TEX22: variants seen among roughly 807,000 people sequenced by gnomAD.
The protein encoded by TEX22 is testis expressed 22, also known as testis-expressed protein 22.
A neutral mutation model predicts 11.3 loss-of-function variants in TEX22; 16 were observed. That is an observed-to-expected ratio of 1.42 (90% CI 0.96 to 2.15). The LOEUF is 2.15. Ranked by LOEUF, TEX22 falls within the 30% of genes most tolerant of loss-of-function variation. TEX22 has a pLI of 0.00. For missense variants in TEX22, 220 were observed against 208.6 expected, an observed-to-expected ratio of 1.05 and a Z score of -0.34; for synonymous variants, 97 against 92.3, an observed-to-expected ratio of 1.05 and a Z score of -0.29.
chr14:105,404,593 A>G (rs2081649526), intron 2 of TEX22, among the ~76,000 whole-genome samples: 1 of 152,188 alleles, frequency 6.6e-6, no homozygotes, highest in South Asian at 2.1e-4. Context: ...CCTCAGAAGC[A>G]ATTTGAGTGG....
rs1555419420 is a variant in TEX22 at position 105,411,725 on chromosome 14, C to A, written c.345C>A (p.His115Gln). The A allele has an allele frequency of 1.3e-6, 2 of 1,524,502 alleles. No individual in the cohort carries two copies. Among genetic ancestry groups the A allele is most frequent in the South Asian group, 2.4e-5 (2 of 83,812 alleles). The allele number at this position is 1,524,502 out of a possible 1,614,324, so 94.4% of individuals were successfully genotyped here. Reference sequence around the variant, plus strand: ...TGGACAAGGACGTGCTCCTTCCCCACCCGCTGAGGTCCACCGAGTCCACCA... The same window carrying A: ...TGGACAAGGACGTGCTCCTTCCCCAACCGCTGAGGTCCACCGAGTCCACCA... ...EDVDKDVLLPHPLRSTESTNA... is the reference protein window; with the variant it reads ...EDVDKDVLLPQPLRSTESTNA... Residue 115 changes from histidine (H) to glutamine (Q), a missense_variant, in exon 4 of 4, where the codon CAC becomes CAA. By Grantham distance (24) the His-to-Gln change is conservative. Coordinates refer to ENST00000451127, the MANE Select transcript of TEX22 (RefSeq NM_001195082.2).
intron 2 of TEX22, among the ~76,000 whole-genome samples, chr14:105,409,428 C>A (rs1007341644): frequency 2.0e-5 from 3 of 151,976 alleles, no homozygotes; most frequent in Non-Finnish European, 4.4e-5. Context: ...GATTTTAAGG[C>A]TTTGTCCATC....
Position 105,399,597 on chromosome 14 carries a change from G to A in TEX22, c.150+107G>A, listed in dbSNP as rs587625005. ...GGTCGTGATGAGCAGCCTCAGGGGA[G>A]GGCTGAGTGGGGACTGATGAGAAAC... On this transcript the variant is annotated intron_variant, in intron 2 of 3. Transcript: ENST00000451127. 4 of 1,239,638 alleles carry A rather than the reference G, an allele frequency of 3.2e-6. No homozygotes were observed. In the South Asian group the frequency reaches 6.2e-5, roughly 19 times the overall value. The allele number at this position is 1,239,638 out of a possible 1,614,324, so 76.8% of individuals were successfully genotyped here.
At chr14:105,400,342 A>G (rs928170454) in intron 2 of TEX22, among the ~76,000 whole-genome samples, 4 of 152,162 alleles carry the variant, frequency 2.6e-5, no homozygotes, top group Admixed American at 6.5e-5. Context: ...CAAAACCCCT[A>G]TGATGGTGTC....
At chr14:105,408,215 G>C (rs587654442) in intron 2 of TEX22, among the ~76,000 whole-genome samples, 2 of 151,920 alleles carry the variant, frequency 1.3e-5, no homozygotes, top group South Asian at 2.1e-4. Context: ...TTTTGCCGGT[G>C]CGCTGCCTCC....
At chr14:105,410,486 T>C (rs1005736497) in intron 2 of TEX22, among the ~76,000 whole-genome samples, 1 of 152,274 alleles carries the variant, frequency 6.6e-6, no homozygotes, top group African/African-American at 2.4e-5. Flanking sequence ...ATTTTCGCTA[T>C]TGTGAATAAT....
Position 105,399,294 on chromosome 14 carries a change from AC to A in TEX22, c.-39-3del. 3 of 1,443,204 alleles carry A rather than the reference AC, an allele frequency of 2.1e-6. No individual in the cohort carries two copies. The highest frequency in any genetic ancestry group is 2.8e-6 in the Non-Finnish European group (3 of 1,089,588). The allele number at this position is 1,443,204 out of a possible 1,614,324, so 89.4% of individuals were successfully genotyped here. On this transcript the variant is annotated splice_region_variant and splice_polypyrimidine_tract_variant and intron_variant, in intron 1 of 3. Coordinates refer to ENST00000451127, the MANE Select transcript of TEX22 (RefSeq NM_001195082.2). The stretch of plus-strand genomic sequence containing the variant: ...CCCCGCCCCACCTCCCCCTGCTCCT[AC>A]CCCCAGATCTCAGAGGTGTGGACAA...
intron 2 of TEX22, among the ~76,000 whole-genome samples, 176 bp downstream of exon 2, chr14:105,399,666 G>A (rs782719157): frequency 1.3e-4 from 20 of 152,172 alleles, no homozygotes; most frequent in Non-Finnish European, 2.1e-4. Context: ...GGCCCTGGAC[G>A]AGCACCAAGG....
In TEX22 at chr14:105,403,713, C is replaced by T. The variant is rs904327455; in HGVS notation, c.150+4223C>T. Among the ~76,000 whole-genome samples, 40 of 152,306 alleles carry T rather than the reference C, an allele frequency of 2.6e-4. 1 individual carries two copies. In the Middle Eastern group the frequency reaches 0.014, roughly 52 times the overall value. ...TTAGGATTATAGGCATGAGCCATTG[C>T]GCCCAGCCAGATTTAACGTTTTAAA... On this transcript the variant is annotated intron_variant, in intron 2 of 3. Transcript: ENST00000451127.
rs1397764483 is a variant in TEX22 at position 105,413,193 on chromosome 14, G to A, written c.*1360G>A. On this transcript the variant is annotated 3_prime_UTR_variant, in exon 4 of 4. Transcript: ENST00000451127. The surrounding 1 kb of genome is among the most constrained non-coding windows in gnomAD (Gnocchi z 4.2). Reference sequence around the variant, plus strand: ...GGTGGATGGAGGGCAGATCCTCCAGGGGCTAGGGCAGGTGTCCTTAAGGGT... The same window carrying A: ...GGTGGATGGAGGGCAGATCCTCCAGAGGCTAGGGCAGGTGTCCTTAAGGGT... 2 of 152,356 alleles carry A rather than the reference G, an allele frequency of 1.3e-5. No homozygotes were observed. The highest frequency in any genetic ancestry group is 4.8e-5 in the African/African-American group (2 of 41,430). 9.4% of individuals were successfully genotyped at this position (152,356 alleles called of 1,614,324 possible).
chr14:105,402,548 A>T (rs1212699199), intron 2 of TEX22, among the ~76,000 whole-genome samples: 2 of 152,006 alleles, frequency 1.3e-5, no homozygotes, highest in Admixed American at 1.3e-4. Context: ...AGGTCTGGAG[A>T]TCAAGACCAT....
rs955947822 is a variant in TEX22, at chr14:105,399,313, G to A, written c.-28G>A. 1.3e-6 allele frequency: 2 copies of A among 1,530,192 alleles called. No individual in the cohort carries two copies. The highest frequency in any genetic ancestry group is 1.7e-6 in the Non-Finnish European group (2 of 1,143,718). 94.8% of individuals were successfully genotyped at this position (1,530,192 alleles called of 1,614,324 possible). A position where few individuals can be genotyped will look rare whatever the true frequency, so the allele number is the denominator to read the frequency against. ...GCTCCTACCCCCAGATCTCAGAGGTGTGGACAAGCAGCCTACTAGGGCTAG... is the reference window on the plus strand; with the variant it reads ...GCTCCTACCCCCAGATCTCAGAGGTATGGACAAGCAGCCTACTAGGGCTAG... On this transcript the variant is annotated 5_prime_UTR_variant, in exon 2 of 4. In the 5' UTR this introduces an upstream ATG that the reference lacks. Coordinates refer to ENST00000451127, the MANE Select transcript of TEX22 (RefSeq NM_001195082.2).
At chr14:105,406,446 C>T (rs1053648783) in intron 2 of TEX22, among the ~76,000 whole-genome samples, 1 of 152,122 alleles carries the variant, frequency 6.6e-6, no homozygotes, top group African/African-American at 2.4e-5. Context: ...CACAGTGGTT[C>T]ACTGCTGTAA....
chr14:105,411,656 G>A lies in TEX22; in HGVS notation c.280-4G>A, dbSNP rs1338528621. 3 of 1,522,930 alleles carry A rather than the reference G, an allele frequency of 2.0e-6. No individual in the cohort carries two copies. The highest frequency in any genetic ancestry group is 2.8e-5 in the African/African-American group (2 of 71,584). The allele number at this position is 1,522,930 out of a possible 1,614,324, so 94.3% of individuals were successfully genotyped here. A position where few individuals can be genotyped will look rare whatever the true frequency, so the allele number is the denominator to read the frequency against. On this transcript the variant is annotated splice_region_variant and splice_polypyrimidine_tract_variant and intron_variant, in intron 3 of 3. Coordinates refer to ENST00000451127, the MANE Select transcript of TEX22 (RefSeq NM_001195082.2). ...CGAGGCTCCCTGACCACCCTCGCCC[G>A]CAGGACGTCGTGCAGATGGTAGCCC...
chr14:105,407,254 C>G (rs1292925739), intron 2 of TEX22, among the ~76,000 whole-genome samples: 2 of 151,848 alleles, frequency 1.3e-5, no homozygotes, highest in African/African-American at 4.8e-5. Context: ...TTTTAGTAGG[C>G]ATGGGGTTTC....
At chr14:105,411,313 C>T (rs2081688682) in intron 2 of TEX22, 55 bp from the exon 3 acceptor site, 2 of 1,251,964 alleles carry the variant, frequency 1.6e-6, no homozygotes, top group African/African-American at 1.6e-5. Flanking sequence ...TGGGTGGGAG[C>T]GGCGAAGGGG....
chr14:105,412,049 C>T lies in TEX22; in HGVS notation c.*216C>T. 2.3e-6 allele frequency: 1 copy of T among 442,660 alleles called. No individual in the cohort carries two copies. The highest frequency in any genetic ancestry group is 3.9e-6 in the Non-Finnish European group (1 of 254,118). The allele number at this position is 442,660 out of a possible 1,614,324, so 27.4% of individuals were successfully genotyped here. A position where few individuals can be genotyped will look rare whatever the true frequency, so the allele number is the denominator to read the frequency against. On this transcript the variant is annotated 3_prime_UTR_variant, in exon 4 of 4. Coordinates refer to ENST00000451127, the MANE Select transcript of TEX22 (RefSeq NM_001195082.2). This position sits in a 1 kb window ranked among gnomAD's most constrained non-coding sequence, Gnocchi z 5.8. Reference sequence around the variant, plus strand: ...TGGGAGGCCATCTAGGGGAGGGGAACACTGCCCCGGGTCAGTCTGAGAGGG... The same window carrying T: ...TGGGAGGCCATCTAGGGGAGGGGAATACTGCCCCGGGTCAGTCTGAGAGGG...
intron 2 of TEX22, among the ~76,000 whole-genome samples, chr14:105,404,030 A>C (rs1488915892): frequency 6.6e-6 from 1 of 152,206 alleles, no homozygotes; most frequent in Non-Finnish European, 1.5e-5. Context: ...TAAAACAGTA[A>C]GTATTTTTAT....
At position 105,412,431 on chromosome 14, in the gene TEX22, G is replaced by C. The variant is rs2081699954; in HGVS notation, c.*598G>C. On this transcript the variant is annotated 3_prime_UTR_variant, in exon 4 of 4. Coordinates refer to ENST00000451127, the MANE Select transcript of TEX22 (RefSeq NM_001195082.2). This position sits in a 1 kb window ranked among gnomAD's most constrained non-coding sequence, Gnocchi z 5.8. ...CTGTCTGGAGGCAGAGATGCCTCCT[G>C]GCCTCTGGACAGCGATGCTGGTGGT... 1 of 152,448 alleles carries C rather than the reference G, an allele frequency of 6.6e-6. No homozygotes were observed. The allele number at this position is 152,448 out of a possible 1,614,324, so 9.4% of individuals were successfully genotyped here.
Sources: allele counts gnomAD v4.1 joint callset (sites outside exome capture counted in the v4.1 genomes callset), GRCh38; gene constraint gnomAD v4.1.1; non-coding constraint Gnocchi (gnomAD v3.1); transcripts MANE v1.5; gene names NCBI Gene and HGNC (gene_info 2026-07-23, HGNC 2026-07-21).